Variants in KLHL3 observed in about 807,000 individuals in gnomAD.
KLHL3 encodes the protein kelch-like protein 3.
A neutral mutation model predicts 70.5 loss-of-function variants in KLHL3; 19 were observed. That is an observed-to-expected ratio of 0.27 (90% CI 0.19 to 0.40). The LOEUF (loss-of-function observed/expected upper bound fraction) is 0.40, where lower values mean the gene tolerates loss of function less well. Ranked by LOEUF, KLHL3 falls within the 10% of genes least tolerant of loss-of-function variation. KLHL3 has a pLI of 1.00. For synonymous variants in KLHL3, 258 were observed against 290.3 expected (o/e 0.89, Z 1.13); for missense variants, 512 against 771.1 (o/e 0.66, Z 3.98).
At chr5:137,668,234 A>C (rs890732395) in intron 6 of KLHL3, among the ~76,000 whole-genome samples, 6 of 152,088 alleles carry the variant, frequency 3.9e-5, no homozygotes, top group African/African-American at 1.4e-4. Flanking sequence ...ACACAGCGAA[A>C]CTCCATCTCT....
chr5:137,702,463 G>C (rs2949466), intron 3 of KLHL3, among the ~76,000 whole-genome samples: 12 of 152,132 alleles, frequency 7.9e-5, no homozygotes, highest in Non-Finnish European at 1.6e-4. Context: ...AACAAGTTCA[G>C]TCTGGCTGGA....
intron 3 of KLHL3, among the ~76,000 whole-genome samples, chr5:137,709,092 T>C (rs556889496): frequency 2.0e-5 from 3 of 152,200 alleles, no homozygotes; most frequent in South Asian, 4.1e-4. Flanking sequence ...ATGGGAAATA[T>C]TTGGACAAGA....
intron 5 of KLHL3, among the ~76,000 whole-genome samples, chr5:137,684,602 A>C (rs1300559016): frequency 4.6e-5 from 7 of 152,220 alleles, no homozygotes; most frequent in African/African-American, 1.7e-4. Flanking sequence ...TTCATTAATG[A>C]AGTCCCATTA....
rs771713851 is a variant in KLHL3, at chr5:137,628,697, ATAT to A, written c.1451-263_1451-261del. On this transcript the variant is annotated intron_variant, in intron 12 of 14. Coordinates refer to ENST00000309755, the MANE Select transcript of KLHL3 (RefSeq NM_017415.3). ...TTCTGTTTTTAAAAAACATTAAAAA[ATAT>A]ATATATATATATACACACACACAGA... is the stretch of plus-strand genomic sequence containing the variant. The A allele has an allele frequency of 0.25, 64,589 of 255,392 alleles. 10,336 individuals are homozygous for A. The highest frequency in any genetic ancestry group is 0.36 in the Middle Eastern group (295 of 820). The allele number at this position is 255,392 out of a possible 1,614,324, so 15.8% of individuals were successfully genotyped here.
In KLHL3 at chr5:137,692,462, G is replaced by T. The variant is rs745663298; in HGVS notation, c.364-15C>A. The T allele has an allele frequency of 1.9e-5, 31 of 1,613,188 alleles. No homozygotes were observed. The East Asian group carries it at 6.7e-4, about 35-fold the overall frequency. ...GGGAGCAGCACCTGCAAGAGAAGGT[G>T]ACATTCTCAGATATTGGATCCCACT... On this transcript the variant is annotated splice_polypyrimidine_tract_variant and intron_variant, in intron 4 of 14. Transcript: ENST00000309755.
chr5:137,711,636 G>C (rs1393165933), intron 2 of KLHL3, among the ~76,000 whole-genome samples: 2 of 152,174 alleles, frequency 1.3e-5, no homozygotes, highest in Non-Finnish European at 2.9e-5. Context: ...GGATAAACCA[G>C]TGCAACCAGG....
chr5:137,650,497 A>G (rs1006950699), intron 8 of KLHL3, among the ~76,000 whole-genome samples: 8 of 152,130 alleles, frequency 5.3e-5, no homozygotes, highest in Admixed American at 4.6e-4. Context: ...TGGTTTCTCT[A>G]TGGAAGTATG....
At chr5:137,674,227 T>C (rs1472411658) in intron 6 of KLHL3, among the ~76,000 whole-genome samples, 1 of 152,192 alleles carries the variant, frequency 6.6e-6, no homozygotes, top group Non-Finnish European at 1.5e-5. Flanking sequence ...GGTTCTTTTA[T>C]TCGTCCTTTC....
chr5:137,646,283 G>C (rs1393063259), intron 8 of KLHL3, among the ~76,000 whole-genome samples: 4 of 152,088 alleles, frequency 2.6e-5, no homozygotes, highest in African/African-American at 9.7e-5. Context: ...AAAGACAAAA[G>C]ATAACTGCTG....
In KLHL3 at chr5:137,620,458, C is replaced by T. The variant is rs1319686971; in HGVS notation, c.*1640G>A. 1 of 151,978 alleles carries T rather than the reference C, an allele frequency of 6.6e-6. No individual in the cohort carries two copies. The highest frequency in any genetic ancestry group is 2.4e-5 in the African/African-American group (1 of 41,414). 9.4% of individuals were successfully genotyped at this position (151,978 alleles called of 1,614,324 possible). A position where few individuals can be genotyped will look rare whatever the true frequency, so the allele number is the denominator to read the frequency against. ...GAAGTAGCCCAGTCGTATCAGAAGT[C>T]CAACATCAGGATTTATAAAGTTCCT... On this transcript the variant is annotated 3_prime_UTR_variant, in exon 15 of 15. Transcript: ENST00000309755.
At chr5:137,626,791 C>T (rs1750472792) in intron 13 of KLHL3, among the ~76,000 whole-genome samples, 1 of 152,100 alleles carries the variant, frequency 6.6e-6, no homozygotes, top group South Asian at 2.1e-4. Flanking sequence ...ATCACTTGAG[C>T]CCAGGAGTTC....
Position 137,660,754 on chromosome 5 carries a change from T to C in KLHL3, c.753+1161A>G, listed in dbSNP as rs1175813060. On this transcript the variant is annotated intron_variant, in intron 7 of 14. Transcript: ENST00000309755. ...CACAAAGACTACAGAGTAAGATCAGTAACATTCACTGAACACTGTATTATA... is the reference window on the plus strand; with the variant it reads ...CACAAAGACTACAGAGTAAGATCAGCAACATTCACTGAACACTGTATTATA... The C allele has an allele frequency of 2.0e-5, 3 of 152,184 alleles. No individual in the cohort carries two copies. In the East Asian group the frequency reaches 5.8e-4, roughly 29 times the overall value. 9.4% of individuals were successfully genotyped at this position (152,184 alleles called of 1,614,324 possible).
intron 13 of KLHL3, among the ~76,000 whole-genome samples, chr5:137,626,388 A>G (rs1363458999): frequency 6.6e-6 from 1 of 152,096 alleles, no homozygotes; most frequent in Admixed American, 6.5e-5. Flanking sequence ...CCTTTACAAG[A>G]CTGGGTCTAC....
intron 5 of KLHL3, among the ~76,000 whole-genome samples, chr5:137,681,929 C>T (rs1383146831): frequency 6.6e-6 from 1 of 152,026 alleles, no homozygotes; most frequent in Non-Finnish European, 1.5e-5. Context: ...GAGGAAGAGG[C>T]ACCATATAAC....
chr5:137,726,175 AG>A lies in KLHL3; in HGVS notation c.15-5592del, dbSNP rs528304351. On this transcript the variant is annotated intron_variant, in intron 1 of 14. Transcript: ENST00000309755. ...CGGGGCTGTGAGGTTTATGAGCTGA[AG>A]CTTCAGTCACAGCCCTCTGCCTCCA... Among the ~76,000 whole-genome samples, 54 of 152,294 alleles carry A rather than the reference AG, an allele frequency of 3.5e-4. 1 individual carries two copies. Among genetic ancestry groups the A allele is most frequent in the Middle Eastern group, 6.8e-3 (2 of 294 alleles).
At chr5:137,713,696 A>G (rs1752840200) in intron 2 of KLHL3, among the ~76,000 whole-genome samples, 1 of 152,226 alleles carries the variant, frequency 6.6e-6, no homozygotes, top group Non-Finnish European at 1.5e-5. Context: ...ATCAAAATTT[A>G]AAACATTTGT....
chr5:137,673,164 G>A (rs766995702), intron 6 of KLHL3, among the ~76,000 whole-genome samples: 31 of 152,158 alleles, frequency 2.0e-4, no homozygotes, highest in Non-Finnish European at 4.3e-4. Context: ...GCCATATAGG[G>A]GATTGAGGCC....
chr5:137,625,674 TC>T (rs1750440635), intron 14 of KLHL3, 78 bp downstream of exon 14: 4 of 1,549,050 alleles, frequency 2.6e-6, no homozygotes, highest in Admixed American at 1.7e-5. Context: ...CATCCCCTCA[TC>T]CCACTGGCCC....
intron 14 of KLHL3, among the ~76,000 whole-genome samples, chr5:137,625,083 G>A (rs1350447745): frequency 4.1e-5 from 6 of 145,172 alleles, no homozygotes; most frequent in Non-Finnish European, 9.3e-5. Context: ...TAAAATAGAC[G>A]GATAGAGTCC....
Sources: gnomAD v4.1 joint callset for allele counts (sites outside exome capture counted in the v4.1 genomes callset) on GRCh38, gnomAD v4.1.1 for gene constraint, MANE v1.5 for transcripts, NCBI Gene and HGNC (gene_info 2026-07-23, HGNC 2026-07-21) for gene names.